Variants in NRDC observed in about 807,000 individuals in gnomAD.
NRDC encodes nardilysin convertase, also known as nardilysin.
Under a neutral mutation model 147.1 loss-of-function variants are expected in NRDC, and 54 were observed. The observed-to-expected ratio is 0.37, with a 90% CI of 0.29 to 0.46. The LOEUF is 0.46. NRDC is among the 20% of genes least tolerant of loss of function. NRDC has a pLI of 1.00. For synonymous variants in NRDC, 440 were observed against 482.1 expected (o/e 0.91, Z 1.14); for missense variants, 1,082 against 1,370.6 (o/e 0.79, Z 3.33).
chr1:51,795,223 G>T (rs1200026412), intron 22 of NRDC: 4 of 1,304,258 alleles, frequency 3.1e-6, no homozygotes, highest in Admixed American at 2.3e-5. Context: ...ATAAAGCAAA[G>T]AAAATAACAT....
intron 1 of NRDC, among the ~76,000 whole-genome samples, chr1:51,876,526 G>C (rs2124159257): frequency 1.3e-5 from 2 of 152,304 alleles, no homozygotes; most frequent in African/African-American, 4.8e-5. Context: ...AAGGTGCCAA[G>C]TGTGGAATTT....
At chr1:51,860,458 C>T (rs1682474483) in intron 1 of NRDC, among the ~76,000 whole-genome samples, 1 of 152,194 alleles carries the variant, frequency 6.6e-6, no homozygotes, top group African/African-American at 2.4e-5. Flanking sequence ...ATTGCTGCTG[C>T]AGCTAGCTCA....
intron 1 of NRDC, among the ~76,000 whole-genome samples, chr1:51,851,031 T>C (rs1681921331): frequency 6.6e-6 from 1 of 152,182 alleles, no homozygotes; most frequent in Non-Finnish European, 1.5e-5. Flanking sequence ...CATAAGTCCC[T>C]GGCCGCAGCC....
intron 24 of NRDC, 127 bp downstream of exon 24, chr1:51,794,345 G>C (rs1339260630): frequency 1.1e-6 from 1 of 877,620 alleles, no homozygotes; most frequent in African/African-American, 1.7e-5. Context: ...AAATGTAGTT[G>C]CTTCAAGAGG....
chr1:51,809,923 G>T (rs1436383039), intron 16 of NRDC, among the ~76,000 whole-genome samples: 1 of 150,320 alleles, frequency 6.7e-6, no homozygotes, highest in Non-Finnish European at 1.5e-5. Context: ...AAAAAGAAAA[G>T]AAAAAAGAGA....
intron 13 of NRDC, 65 bp from the exon 14 acceptor site, chr1:51,814,154 C>T (rs570903515): frequency 2.5e-5 from 25 of 992,156 alleles, no homozygotes; most frequent in South Asian, 5.3e-5. Flanking sequence ...GGGAGAAGGG[C>T]GGGAGGAGGG....
intron 1 of NRDC, among the ~76,000 whole-genome samples, chr1:51,850,747 G>A (rs1393751648): frequency 6.6e-6 from 1 of 152,120 alleles, no homozygotes; most frequent in African/African-American, 2.4e-5. Context: ...GGAGGAACTG[G>A]GTACTGAACT....
At chr1:51,862,385 A>G (rs1254355512) in intron 1 of NRDC, 1 of 151,874 alleles carries the variant, frequency 6.6e-6, no homozygotes, top group Non-Finnish European at 1.5e-5. Flanking sequence ...GCACCACTGC[A>G]GTACAGCCTG....
chr1:51,844,216 C>T (rs1382115552), intron 1 of NRDC, among the ~76,000 whole-genome samples: 4 of 152,098 alleles, frequency 2.6e-5, no homozygotes, highest in Non-Finnish European at 5.9e-5. Flanking sequence ...ATGAGCCCTG[C>T]TATGGGCTGA....
rs1683432268 is a variant in NRDC, at chr1:51,878,298, A to G, written c.318T>C (p.Ser106=). 1 of 1,613,230 alleles carries G rather than the reference A, an allele frequency of 6.2e-7. No individual in the cohort carries two copies. Among genetic ancestry groups the G allele is most frequent in the Non-Finnish European group, 8.5e-7 (1 of 1,179,414 alleles). The change falls in exon 1 of 31, where the codon TCT becomes TCC. Residue 106 remains serine, a synonymous_variant. Transcript: ENST00000352171. The part of the protein sequence containing the change: ...SNAGDPEIVK[S]PSDPKQYRYI... Reference sequence around the variant, plus strand: ...ACCGGTATTGCTTGGGGTCGCTGGGAGACTTGACGATCTCAGGGTCCCCAG... The same window carrying G: ...ACCGGTATTGCTTGGGGTCGCTGGGGGACTTGACGATCTCAGGGTCCCCAG...
Position 51,789,321 on chromosome 1 carries a change from A to G in NRDC, c.3371T>C (p.Leu1124Pro), listed in dbSNP as rs1678441735. The change falls in exon 31 of 31, where the codon CTG becomes CCG. Residue 1124 changes from leucine (L) to proline (P), a missense_variant. By Grantham distance (98) the Leu-to-Pro change is moderately conservative. This residue lies in a region of NRDC where 187 missense variants were observed against 193.6 expected (regional missense o/e 0.97). Coordinates refer to ENST00000352171, the MANE Select transcript of NRDC (RefSeq NM_001101662.2). ...QLTYLPTSPL[L>P]ADCIIPITDI... ...AGTAATGGGGATGATACAATCTGCC[A>G]GCAGAGGAGAGGTTGGCAGGTAGGT... 1.2e-6 allele frequency: 2 copies of G among 1,614,184 alleles called. No homozygotes were observed. Among genetic ancestry groups the G allele is most frequent in the Non-Finnish European group, 1.7e-6 (2 of 1,180,008 alleles).
At position 51,814,685 on chromosome 1, in the gene NRDC, T is replaced by C. The variant is rs556340650; in HGVS notation, c.1560+8A>G. Reference sequence around the variant, plus strand: ...AAAGGAAAAAACAACTGAATTTGAATTATTTACCTCATAAAAATGTTCATA... The same window carrying C: ...AAAGGAAAAAACAACTGAATTTGAACTATTTACCTCATAAAAATGTTCATA... On this transcript the variant is annotated splice_region_variant and intron_variant, in intron 12 of 30. Coordinates refer to ENST00000352171, the MANE Select transcript of NRDC (RefSeq NM_001101662.2). 6.2e-7 allele frequency: 1 copy of C among 1,606,308 alleles called. No homozygotes were observed. Among genetic ancestry groups the C allele is most frequent in the South Asian group, 1.1e-5 (1 of 90,442 alleles).
chr1:51,854,733 G>A (rs1682148982), intron 1 of NRDC, among the ~76,000 whole-genome samples: 1 of 152,204 alleles, frequency 6.6e-6, no homozygotes, highest in Non-Finnish European at 1.5e-5. Context: ...AGACCAGTCT[G>A]GGCAACATAG....
chr1:51,858,970 A>G (rs1416903733), intron 1 of NRDC, among the ~76,000 whole-genome samples: 1 of 152,212 alleles, frequency 6.6e-6, no homozygotes, highest in Admixed American at 6.5e-5. Flanking sequence ...ATCTTAACTG[A>G]AATTTTTTAC....
chr1:51,824,983 A>G (rs1442605084), intron 6 of NRDC, among the ~76,000 whole-genome samples: 1 of 152,196 alleles, frequency 6.6e-6, no homozygotes, highest in Non-Finnish European at 1.5e-5. Context: ...TGGAGATGAT[A>G]ATGGTACCTA....
chr1:51,853,551 C>A (rs1005515163), intron 1 of NRDC, among the ~76,000 whole-genome samples: 3 of 152,134 alleles, frequency 2.0e-5, no homozygotes, highest in African/African-American at 7.2e-5. Flanking sequence ...ACTTTGTTAC[C>A]TTGGTGGGGA....
chr1:51,806,834 G>A lies in NRDC; in HGVS notation c.2070C>T (p.Cys690=). The A allele has an allele frequency of 6.2e-7, 1 of 1,613,960 alleles. No homozygotes were observed. Among genetic ancestry groups the A allele is most frequent in the Non-Finnish European group, 8.5e-7 (1 of 1,179,936 alleles). ...PVKIVNTPQG[C]LWYKKDNKFK... The stretch of plus-strand genomic sequence containing the variant: ...ATTTGTTGTCTTTCTTATACCACAG[G>A]CAACCTTGTGGAGTATTCACAATTT... The change falls in exon 18 of 31, where the codon TGC becomes TGT. Residue 690 remains cysteine (C), a synonymous_variant. Coordinates refer to ENST00000352171, the MANE Select transcript of NRDC (RefSeq NM_001101662.2).
intron 22 of NRDC, chr1:51,795,346 G>A (rs1013901860): frequency 1.7e-5 from 10 of 575,152 alleles, no homozygotes; most frequent in Admixed American, 1.7e-4. Flanking sequence ...TCTACTGGAG[G>A]AAATTCATGG....
chr1:51,826,012 T>C (rs1013129693), intron 5 of NRDC, among the ~76,000 whole-genome samples: 2 of 152,202 alleles, frequency 1.3e-5, no homozygotes, highest in Admixed American at 1.3e-4. Flanking sequence ...CCCCTTCTGC[T>C]GTATGAGGAC....
Sources: gnomAD v4.1 joint callset for allele counts (sites outside exome capture counted in the v4.1 genomes callset) on GRCh38, gnomAD v4.1.1 for gene constraint, gnomAD v4.1.1 regional missense constraint, MANE v1.5 for transcripts, NCBI Gene and HGNC (gene_info 2026-07-23, HGNC 2026-07-21) for gene names.